Variants in DOK6 observed in about 807,000 individuals in gnomAD.
The protein encoded by DOK6 is downstream of tyrosine kinase 6.
Under a neutral mutation model 44.0 loss-of-function variants are expected in DOK6, and 22 were observed. The ratio of observed to expected loss-of-function variants is 0.50; its 90% confidence interval spans 0.36 to 0.71. The LOEUF is 0.71. DOK6 is among the 30% of genes least tolerant of loss of function. The pLI, the probability that DOK6 is intolerant of heterozygous loss-of-function variation, is 0.00. For synonymous variants in DOK6, 166 were observed against 145.5 expected, an observed-to-expected ratio of 1.14 and a Z score of -1.01; for missense variants, 340 against 416.4, an observed-to-expected ratio of 0.82 and a Z score of 1.60.
intron 1 of DOK6, among the ~76,000 whole-genome samples, chr18:69,460,215 C>T (rs1224923368): frequency 1.3e-5 from 2 of 152,118 alleles, no homozygotes; most frequent in African/African-American, 2.4e-5. Flanking sequence ...AATAGAAAGA[C>T]ATATTTTTCA....
At chr18:69,611,830 C>T (rs957883790) in intron 3 of DOK6, among the ~76,000 whole-genome samples, 1 of 152,098 alleles carries the variant, frequency 6.6e-6, no homozygotes, top group African/African-American at 2.4e-5. Flanking sequence ...GGGCTGGAAC[C>T]TTGGGGACAG....
rs1980316217 is a variant in DOK6 at position 69,782,777 on chromosome 18, T to TAA, written c.856+24908_856+24909dup. 2.6e-5 allele frequency among the ~76,000 whole-genome samples: 4 copies of TAA among 152,128 alleles called. No homozygotes were observed. In the South Asian group the frequency reaches 6.2e-4, roughly 24 times the overall value. ...AGACTCCGTCTCAAAAAATAAAAATTAAAAACTTGCAAGAAAATTCCTATT... is the reference window on the plus strand; with the variant it reads ...AGACTCCGTCTCAAAAAATAAAAATTAAAAAAACTTGCAAGAAAATTCCTATT... On this transcript the variant is annotated intron_variant, in intron 7 of 7. Transcript: ENST00000382713.
At chr18:69,603,434 T>C (rs1194309964) in intron 3 of DOK6, among the ~76,000 whole-genome samples, 3 of 152,140 alleles carry the variant, frequency 2.0e-5, no homozygotes, top group African/African-American at 4.8e-5. Flanking sequence ...ATCACAGTTA[T>C]TGCTACCATG....
Position 69,707,065 on chromosome 18 carries a change from T to C in DOK6, c.599+8472T>C, listed in dbSNP as rs192288094. On this transcript the variant is annotated intron_variant, in intron 5 of 7. Transcript: ENST00000382713. ...GTATATACCCAGTAATGGGATGGCATGAGTGAACTCCCATTCACAATTGCT... is the reference window on the plus strand; with the variant it reads ...GTATATACCCAGTAATGGGATGGCACGAGTGAACTCCCATTCACAATTGCT... 3.7e-3 allele frequency among the ~76,000 whole-genome samples: 561 copies of C among 152,302 alleles called. 6 individuals carry two copies. The highest frequency in any genetic ancestry group is 0.013 in the African/African-American group (544 of 41,574).
intron 3 of DOK6, among the ~76,000 whole-genome samples, chr18:69,620,230 G>A (rs1375619154): frequency 2.6e-5 from 4 of 151,986 alleles, no homozygotes; most frequent in Non-Finnish European, 5.9e-5. Context: ...TGCATTTTCT[G>A]AAATTTATAT....
At chr18:69,774,399 G>A (rs1394219504) in intron 7 of DOK6, among the ~76,000 whole-genome samples, 1 of 151,488 alleles carries the variant, frequency 6.6e-6, no homozygotes, top group Non-Finnish European at 1.5e-5. Context: ...TACAAATTGG[G>A]TTCAGTGTAT....
chr18:69,517,519 C>A (rs1981562467), intron 1 of DOK6, among the ~76,000 whole-genome samples: 1 of 152,074 alleles, frequency 6.6e-6, no homozygotes, highest in Non-Finnish European at 1.5e-5. Context: ...ATAATCCGGT[C>A]CTCTAGATGA....
chr18:69,430,296 G>T (rs1047539224), intron 1 of DOK6, among the ~76,000 whole-genome samples: 1 of 152,176 alleles, frequency 6.6e-6, no homozygotes, highest in Non-Finnish European at 1.5e-5. Flanking sequence ...AGGGACTGTA[G>T]TTAATGACAA....
intron 1 of DOK6, among the ~76,000 whole-genome samples, chr18:69,555,970 A>G (rs1982676790): frequency 6.6e-6 from 1 of 152,240 alleles, no homozygotes; most frequent in Non-Finnish European, 1.5e-5. Flanking sequence ...ATGAATGCAT[A>G]TAAATTCAGA....
intron 1 of DOK6, among the ~76,000 whole-genome samples, chr18:69,460,533 T>C (rs981932275): frequency 6.6e-6 from 1 of 152,194 alleles, no homozygotes; most frequent in Non-Finnish European, 1.5e-5. Flanking sequence ...TATTTGTACA[T>C]GAATATATTA....
chr18:69,562,377 G>A (rs1202133637), intron 1 of DOK6, among the ~76,000 whole-genome samples: 1 of 152,026 alleles, frequency 6.6e-6, no homozygotes, highest in Admixed American at 6.6e-5. Flanking sequence ...GCTCTGTTCT[G>A]TTCCATTGGT....
intron 3 of DOK6, among the ~76,000 whole-genome samples, chr18:69,611,081 A>C (rs901004266): frequency 5.3e-5 from 5 of 94,138 alleles, no homozygotes; most frequent in Non-Finnish European, 1.1e-4. Flanking sequence ...TGTACCCATA[A>C]AAATTAAAAT....
chr18:69,488,997 T>A lies in DOK6; in HGVS notation c.67-75490T>A, dbSNP rs913222730. Among the ~76,000 whole-genome samples the A allele has an allele frequency of 2.6e-5, 4 of 152,256 alleles. No homozygotes were observed. The South Asian group carries it at 8.3e-4, about 32-fold the overall frequency. On this transcript the variant is annotated intron_variant, in intron 1 of 7. Transcript: ENST00000382713. ...GCTCTTATTGATGGAGTCCATAGGG[T>A]TCACAGAGCTGTAGCTTAAGTTTTA... is the stretch of plus-strand genomic sequence containing the variant.
intron 3 of DOK6, among the ~76,000 whole-genome samples, chr18:69,669,632 T>C (rs1349160319): frequency 6.6e-6 from 1 of 152,194 alleles, no homozygotes; most frequent in East Asian, 1.9e-4. Flanking sequence ...CTAATCTTTC[T>C]GGTGGTTGCT....
rs2144627260 is a variant in DOK6, at chr18:69,606,690, G to T, written c.289+7192G>T. On this transcript the variant is annotated intron_variant, in intron 3 of 7. Transcript: ENST00000382713. Reference sequence around the variant, plus strand: ...GACAAACGAATTCAGTGAAGATGCAGGATACGAGATCAACGTACAAAAATC... The same window carrying T: ...GACAAACGAATTCAGTGAAGATGCATGATACGAGATCAACGTACAAAAATC... Among the ~76,000 whole-genome samples, 4 of 151,230 alleles carry T rather than the reference G, an allele frequency of 2.6e-5. No homozygotes were observed. In the South Asian group the frequency reaches 8.4e-4, roughly 32 times the overall value.
chr18:69,829,657 A>G (rs1981845357), intron 7 of DOK6, among the ~76,000 whole-genome samples: 1 of 152,066 alleles, frequency 6.6e-6, no homozygotes, highest in African/African-American at 2.4e-5. Flanking sequence ...TTAAGAAGAA[A>G]GTAGGAGAAA....
At chr18:69,762,731 C>A (rs1217088521) in intron 7 of DOK6, among the ~76,000 whole-genome samples, 1 of 152,192 alleles carries the variant, frequency 6.6e-6, no homozygotes, top group Non-Finnish European at 1.5e-5. Flanking sequence ...GTAACAAATT[C>A]ATTCTATAGT....
chr18:69,557,426 G>A (rs527405133), intron 1 of DOK6, among the ~76,000 whole-genome samples: 8 of 152,296 alleles, frequency 5.3e-5, no homozygotes, highest in Admixed American at 5.2e-4. Flanking sequence ...CTACTTCACA[G>A]TGAGTCTTAA....
chr18:69,488,508 C>T (rs538581991), intron 1 of DOK6, among the ~76,000 whole-genome samples: 7 of 152,222 alleles, frequency 4.6e-5, no homozygotes, highest in Admixed American at 4.6e-4. Context: ...ATACCCAAGA[C>T]TGGGTAATTT....
Sources: allele counts gnomAD v4.1 joint callset (sites outside exome capture counted in the v4.1 genomes callset), GRCh38; gene constraint gnomAD v4.1.1; transcripts MANE v1.5; gene names NCBI Gene and HGNC (gene_info 2026-07-23, HGNC 2026-07-21).